NCK1: variants seen among roughly 807,000 people sequenced by gnomAD.
NCK1 encodes the protein SH2/SH3 adapter protein NCK1.
NCK1 carries 19 observed loss-of-function variants against 36.6 expected under a neutral mutation model. The observed-to-expected ratio is 0.52, with a 90% CI of 0.36 to 0.76. The LOEUF is 0.76. Ranked by LOEUF, NCK1 falls within the 30% of genes least tolerant of loss-of-function variation. NCK1 has a pLI of 0.00. For missense variants in NCK1, 358 were observed against 445.6 expected, an observed-to-expected ratio of 0.80 and a Z score of 1.77; for synonymous variants, 165 against 156.0, an observed-to-expected ratio of 1.06 and a Z score of -0.43.
At chr3:136,879,183 A>C (rs968745546) in intron 1 of NCK1, among the ~76,000 whole-genome samples, 1 of 152,136 alleles carries the variant, frequency 6.6e-6, no homozygotes, top group African/African-American at 2.4e-5. Flanking sequence ...GTTAGAGTAA[A>C]GGAGTTCTTT....
intron 1 of NCK1, among the ~76,000 whole-genome samples, chr3:136,907,850 C>G (rs1010361702): frequency 6.6e-6 from 1 of 152,176 alleles, no homozygotes; most frequent in Non-Finnish European, 1.5e-5. Flanking sequence ...TACCTATTGT[C>G]CTCAGTGCTA....
chr3:136,940,371 T>C (rs1940640340), intron 2 of NCK1, among the ~76,000 whole-genome samples: 1 of 152,220 alleles, frequency 6.6e-6, no homozygotes, highest in Non-Finnish European at 1.5e-5. Flanking sequence ...AAGTGGGGTA[T>C]TGATGTCTCC....
intron 1 of NCK1, among the ~76,000 whole-genome samples, chr3:136,921,311 C>T (rs193089060): frequency 6.6e-6 from 1 of 152,248 alleles, no homozygotes; most frequent in Admixed American, 6.5e-5. Flanking sequence ...ATTTTTAACT[C>T]AGGAAACAAC....
At chr3:136,947,063 G>A (rs1029508251) in intron 3 of NCK1, 2 of 152,046 alleles carry the variant, frequency 1.3e-5, no homozygotes, top group African/African-American at 4.8e-5. Flanking sequence ...GAGTATATTT[G>A]TACAAAAGGG....
intron 1 of NCK1, among the ~76,000 whole-genome samples, chr3:136,921,571 A>G (rs927589869): frequency 9.9e-5 from 15 of 152,222 alleles, no homozygotes; most frequent in African/African-American, 3.6e-4. Flanking sequence ...GGGAGAGCCC[A>G]GTACTTGTGT....
rs1385837578 is a variant in NCK1 at position 136,927,940 on chromosome 3, T to C, written c.-18-44T>C. On this transcript the variant is annotated intron_variant, in intron 1 of 3. Transcript: ENST00000481752. ...CTCTTTTGAAAAGCATGTGAACTAA[T>C]ACTACCTCAACCTTACATAAAAATA... 3.7e-6 allele frequency: 5 copies of C among 1,345,044 alleles called. No individual in the cohort carries two copies. The African/African-American group carries it at 4.4e-5, about 12-fold the overall frequency. 83.3% of individuals were successfully genotyped at this position (1,345,044 alleles called of 1,614,324 possible). A position where few individuals can be genotyped will look rare whatever the true frequency, so the allele number is the denominator to read the frequency against.
rs1194510824 is a variant in NCK1 at position 136,948,565 on chromosome 3, T to C, written c.*112T>C. The C allele has an allele frequency of 1.3e-5, 11 of 876,088 alleles. No homozygotes were observed. Among genetic ancestry groups the C allele is most frequent in the Non-Finnish European group, 1.8e-5 (10 of 569,718 alleles). The allele number at this position is 876,088 out of a possible 1,614,324, so 54.3% of individuals were successfully genotyped here. ...TTGGAAATTGTTGTTTCTAAATCTA[T>C]ATGAGAATTGACAATAAGTATTTTT... is the stretch of plus-strand genomic sequence containing the variant. On this transcript the variant is annotated 3_prime_UTR_variant, in exon 4 of 4. Transcript: ENST00000481752.
At chr3:136,909,225 A>G (rs1939772247) in intron 1 of NCK1, among the ~76,000 whole-genome samples, 1 of 152,312 alleles carries the variant, frequency 6.6e-6, no homozygotes, top group South Asian at 2.1e-4. Flanking sequence ...GTTAGGTAGA[A>G]TCACAGAGAA....
intron 1 of NCK1, among the ~76,000 whole-genome samples, chr3:136,915,314 A>T (rs186635380): frequency 6.6e-6 from 1 of 152,314 alleles, no homozygotes. Context: ...TAGTAGCATT[A>T]ATTAATCCAG....
intron 1 of NCK1, among the ~76,000 whole-genome samples, chr3:136,891,161 T>G (rs1939234095): frequency 6.6e-6 from 1 of 152,228 alleles, no homozygotes; most frequent in South Asian, 2.1e-4. Flanking sequence ...GAGGTGGAGT[T>G]TTGCTCTTGT....
chr3:136,944,971 C>T (rs1940773083), intron 2 of NCK1, among the ~76,000 whole-genome samples: 1 of 152,152 alleles, frequency 6.6e-6, no homozygotes, highest in Non-Finnish European at 1.5e-5. Flanking sequence ...ACAAAACTCC[C>T]TGTCCTTTTG....
At chr3:136,943,955 G>C (rs1940740484) in intron 2 of NCK1, among the ~76,000 whole-genome samples, 1 of 152,046 alleles carries the variant, frequency 6.6e-6, no homozygotes, top group South Asian at 2.1e-4. Flanking sequence ...GACTTTAAAA[G>C]TTACTGATTT....
intron 1 of NCK1, among the ~76,000 whole-genome samples, chr3:136,915,167 C>CTA: frequency 6.6e-6 from 1 of 152,210 alleles, no homozygotes; most frequent in African/African-American, 2.4e-5. Flanking sequence ...CAGACTAATA[C>CTA]GTACCTTAAG....
chr3:136,877,693 A>C (rs145301847), intron 1 of NCK1, among the ~76,000 whole-genome samples: 1 of 152,180 alleles, frequency 6.6e-6, no homozygotes, highest in African/African-American at 2.4e-5. Flanking sequence ...AAAATCTGGA[A>C]ACTGGAAAGC....
intron 1 of NCK1, 130 bp from the exon 2 acceptor site, chr3:136,927,854 C>T: frequency 1.5e-6 from 1 of 689,358 alleles, no homozygotes; most frequent in Non-Finnish European, 2.4e-6. Context: ...CTATTTGCCT[C>T]ATGTATTTTT....
At chr3:136,932,579 G>T (rs902619946) in intron 2 of NCK1, among the ~76,000 whole-genome samples, 3 of 152,150 alleles carry the variant, frequency 2.0e-5, no homozygotes, top group Non-Finnish European at 2.9e-5. Flanking sequence ...TTTATATGTG[G>T]TATTTCTTAG....
At chr3:136,869,364 T>C (rs868546238) in intron 1 of NCK1, among the ~76,000 whole-genome samples, 21 of 152,318 alleles carry the variant, frequency 1.4e-4, no homozygotes, top group South Asian at 4.1e-4. Context: ...TTGGCCAACA[T>C]GGTGAAACCC....
chr3:136,937,849 T>C (rs150689193), intron 2 of NCK1, among the ~76,000 whole-genome samples: 1 of 152,090 alleles, frequency 6.6e-6, no homozygotes, highest in South Asian at 2.1e-4. Flanking sequence ...GTGTATTCTT[T>C]AGGATTTTCT....
In NCK1 at chr3:136,948,680, T is replaced by G. The variant is rs1275626569; in HGVS notation, c.*227T>G. The G allele has an allele frequency of 3.2e-6, 1 of 316,504 alleles. No homozygotes were observed. The highest frequency in any genetic ancestry group is 5.7e-6 in the Non-Finnish European group (1 of 174,154). 19.6% of individuals were successfully genotyped at this position (316,504 alleles called of 1,614,324 possible). ...CCTTGGCCTTCTGTTTTATTGTTTT[T>G]TTCTTTGCTGTTTTCCCTTTGCTTC... On this transcript the variant is annotated 3_prime_UTR_variant, in exon 4 of 4. Transcript: ENST00000481752.
Sources: allele counts gnomAD v4.1 joint callset (sites outside exome capture counted in the v4.1 genomes callset), GRCh38; gene constraint gnomAD v4.1.1; transcripts MANE v1.5; gene names NCBI Gene and HGNC (gene_info 2026-07-23, HGNC 2026-07-21).